Variants in GLI2 observed in about 807,000 individuals in gnomAD.
The protein encoded by GLI2 is GLI family zinc finger 2, also known as transcription activator GLI2.
Under a neutral mutation model 78.9 loss-of-function variants are expected in GLI2, and 22 were observed. The observed-to-expected ratio is 0.28, with a 90% confidence interval of 0.20 to 0.40. GLI2 has a LOEUF of 0.40. Ranked by LOEUF, GLI2 falls within the 10% of genes least tolerant of loss-of-function variation. The pLI, the probability that GLI2 is intolerant of heterozygous loss-of-function variation, is 1.00. For missense variants in GLI2, 2,097 were observed against 2,213.2 expected (o/e 0.95, Z 1.05); for synonymous variants, 974 against 963.7 (o/e 1.01, Z -0.20).
intron 3 of GLI2, among the ~76,000 whole-genome samples, chr2:120,940,259 G>T (rs1250999246): frequency 6.6e-6 from 1 of 152,204 alleles, no homozygotes; most frequent in Non-Finnish European, 1.5e-5. Context: ...GTGAAGAGAA[G>T]TTCCCATTGT....
At chr2:120,853,733 C>A (rs1687514639) in intron 2 of GLI2, among the ~76,000 whole-genome samples, 1 of 152,184 alleles carries the variant, frequency 6.6e-6, no homozygotes, top group African/African-American at 2.4e-5. Context: ...ATGTGTTGAG[C>A]CTCTCTCCTC....
rs1677609236 is a variant in GLI2, at chr2:120,890,154, T to C, written c.149-37207T>C. Reference sequence around the variant, plus strand: ...TGAAAAGGGACAAACCATAGATGCCTGTACCAATTTGGCTGAATCTTCGGG... The same window carrying C: ...TGAAAAGGGACAAACCATAGATGCCCGTACCAATTTGGCTGAATCTTCGGG... On this transcript the variant is annotated intron_variant, in intron 2 of 13. Transcript: ENST00000361492. Among the ~76,000 whole-genome samples, 3 of 152,226 alleles carry C rather than the reference T, an allele frequency of 2.0e-5. No individual in the cohort carries two copies. In the South Asian group the frequency reaches 6.2e-4, roughly 31 times the overall value.
chr2:120,852,828 C>T (rs1687476078), intron 2 of GLI2, among the ~76,000 whole-genome samples: 1 of 152,202 alleles, frequency 6.6e-6, no homozygotes, highest in South Asian at 2.1e-4. Flanking sequence ...GGACAGCCAG[C>T]CAGCACTCGC....
intron 1 of GLI2, among the ~76,000 whole-genome samples, chr2:120,762,657 AG>A (rs1683248413): frequency 6.6e-6 from 1 of 152,024 alleles, no homozygotes; most frequent in Non-Finnish European, 1.5e-5. Context: ...CCCCATCGAG[AG>A]CGTCGAGGGC....
At chr2:120,785,610 C>T (rs573981334) in intron 1 of GLI2, among the ~76,000 whole-genome samples, 4 of 152,154 alleles carry the variant, frequency 2.6e-5, no homozygotes, top group Non-Finnish European at 5.9e-5. Flanking sequence ...GTCAGCACTC[C>T]CACCCCTGCC....
intron 2 of GLI2, among the ~76,000 whole-genome samples, chr2:120,848,354 C>G (rs1201963383): frequency 6.6e-6 from 1 of 152,194 alleles, no homozygotes; most frequent in Non-Finnish European, 1.5e-5. Flanking sequence ...CACCCCTCAT[C>G]TTATCACACC....
At chr2:120,886,202 GT>G (rs1677396946) in intron 2 of GLI2, among the ~76,000 whole-genome samples, 1 of 35,150 alleles carries the variant, frequency 2.8e-5, no homozygotes, top group Non-Finnish European at 5.1e-5. Context: ...GTGTGTGTGT[GT>G]GTGTGTGCGT....
intron 2 of GLI2, among the ~76,000 whole-genome samples, chr2:120,851,911 A>G (rs145807450): frequency 6.6e-6 from 1 of 152,232 alleles, no homozygotes; most frequent in East Asian, 1.9e-4. Flanking sequence ...CCATTTGAGA[A>G]CTGAAAGCTT....
chr2:120,834,939 A>G (rs1686537339), intron 2 of GLI2, among the ~76,000 whole-genome samples: 2 of 152,152 alleles, frequency 1.3e-5, no homozygotes, highest in Non-Finnish European at 2.9e-5. Flanking sequence ...CTAAACCCAC[A>G]TGGGTCCTCA....
In GLI2 at chr2:120,800,996, G is replaced by C. The variant is rs992949183; in HGVS notation, c.148+3528G>C. ...GATGTGGGGGCACCCTGCATTCCCCGGCAGCTCATGGCCCCTCATGCAGCC... is the reference window on the plus strand; with the variant it reads ...GATGTGGGGGCACCCTGCATTCCCCCGCAGCTCATGGCCCCTCATGCAGCC... On this transcript the variant is annotated intron_variant, in intron 2 of 13. Coordinates refer to ENST00000361492, the MANE Select transcript of GLI2 (RefSeq NM_001374353.1). The surrounding 1 kb of genome is among the most constrained non-coding windows in gnomAD (Gnocchi z 4.1). 6.6e-6 allele frequency among the ~76,000 whole-genome samples: 1 copy of C among 152,142 alleles called. No individual in the cohort carries two copies. Among genetic ancestry groups the C allele is most frequent in the Non-Finnish European group, 1.5e-5 (1 of 68,004 alleles).
intron 4 of GLI2, among the ~76,000 whole-genome samples, chr2:120,953,185 A>G (rs1424322227): frequency 1.3e-5 from 2 of 152,232 alleles, no homozygotes; most frequent in African/African-American, 4.8e-5. Context: ...CAGGCCCTAA[A>G]TCCAATAACA....
intron 2 of GLI2, among the ~76,000 whole-genome samples, chr2:120,887,659 C>T (rs1677478177): frequency 6.6e-6 from 1 of 152,248 alleles, no homozygotes; most frequent in Non-Finnish European, 1.5e-5. Context: ...GCCCTTCTCC[C>T]ACAGAGGCCA....
chr2:120,821,129 G>A (rs115451666), intron 2 of GLI2, among the ~76,000 whole-genome samples: 1,823 of 152,184 alleles, frequency 0.012, 43 homozygotes, highest in African/African-American at 0.042. Context: ...TTGCGTGGGC[G>A]GCTGAGCTCG....
chr2:120,904,542 A>C (rs914526139), intron 2 of GLI2, among the ~76,000 whole-genome samples: 1 of 152,130 alleles, frequency 6.6e-6, no homozygotes, highest in African/African-American at 2.4e-5. Context: ...AACATGTGTG[A>C]GCCATGGAGC....
At chr2:120,958,597 C>A (rs938414682) in intron 5 of GLI2, among the ~76,000 whole-genome samples, 2 of 152,194 alleles carry the variant, frequency 1.3e-5, no homozygotes, top group Admixed American at 1.3e-4. Flanking sequence ...CTAGCCCCCT[C>A]AGGATAAAAT....
At chr2:120,943,065 C>T (rs985852984) in intron 3 of GLI2, among the ~76,000 whole-genome samples, 2 of 152,158 alleles carry the variant, frequency 1.3e-5, no homozygotes, top group Admixed American at 6.5e-5. Flanking sequence ...GCAGGGCCAG[C>T]GTATGAACAG....
At chr2:120,984,015 C>T (rs950137536) in intron 11 of GLI2, among the ~76,000 whole-genome samples, 14 of 150,900 alleles carry the variant, frequency 9.3e-5, no homozygotes, top group Non-Finnish European at 1.6e-4. Context: ...TTCGGAAATC[C>T]TGGGTTTTTT....
At chr2:120,978,739 G>A (rs1226982325) in intron 10 of GLI2, among the ~76,000 whole-genome samples, 156 bp downstream of exon 10, 3 of 152,234 alleles carry the variant, frequency 2.0e-5, no homozygotes, top group African/African-American at 7.2e-5. Context: ...CACCCTGCCT[G>A]TTTGGGTCCT....
In GLI2 at chr2:120,958,401, C is replaced by T. The variant is rs547233882; in HGVS notation, c.643+2971C>T. 5.3e-5 allele frequency among the ~76,000 whole-genome samples: 8 copies of T among 152,284 alleles called. No homozygotes were observed. In the East Asian group the frequency reaches 1.5e-3, roughly 29 times the overall value. On this transcript the variant is annotated intron_variant, in intron 5 of 13. Coordinates refer to ENST00000361492, the MANE Select transcript of GLI2 (RefSeq NM_001374353.1). ...TGCCTAAGCCCAGGCCCCAGGTTCTCCCAGACCTTTTCCTTGCCATCTCCC... is the reference window on the plus strand; with the variant it reads ...TGCCTAAGCCCAGGCCCCAGGTTCTTCCAGACCTTTTCCTTGCCATCTCCC...
Sources: gnomAD v4.1 joint callset for allele counts (sites outside exome capture counted in the v4.1 genomes callset) on GRCh38, gnomAD v4.1.1 for gene constraint, Gnocchi (gnomAD v3.1) non-coding constraint, MANE v1.5 for transcripts, NCBI Gene and HGNC (gene_info 2026-07-23, HGNC 2026-07-21) for gene names.